Variants in TBC1D22A observed in about 807,000 individuals in gnomAD.
TBC1D22A encodes putative GTPase activator.
A neutral mutation model predicts 60.2 loss-of-function variants in TBC1D22A; 38 were observed. The ratio of observed to expected loss-of-function variants is 0.63; its 90% CI spans 0.49 to 0.83. The LOEUF is 0.83. Ranked by LOEUF, TBC1D22A falls within the 40% of genes least tolerant of loss-of-function variation. The pLI, the probability that TBC1D22A is intolerant of heterozygous loss-of-function variation, is 0.00. For synonymous variants in TBC1D22A, 302 were observed against 281.7 expected, an observed-to-expected ratio of 1.07 and a Z score of -0.72; for missense variants, 628 against 701.0, an observed-to-expected ratio of 0.90 and a Z score of 1.18.
intron 7 of TBC1D22A, among the ~76,000 whole-genome samples, chr22:46,902,127 C>T (rs898238346): frequency 6.6e-6 from 1 of 152,182 alleles, no homozygotes; most frequent in Admixed American, 6.5e-5. Context: ...GACCTCAAGC[C>T]CCTCCTGGGA....
chr22:47,172,002 G>GCCCAGTGTGCCTACCCAGCACT (rs796831913), intron 12 of TBC1D22A, among the ~76,000 whole-genome samples: 3,695 of 103,774 alleles, frequency 0.036, 233 homozygotes, highest in East Asian at 0.12. Flanking sequence ...CGCCCGGTGA[G>GCCCAGTGTGCCTACCCAGCACT]CCCAGTGTGC....
At chr22:46,839,928 G>T (rs558245925) in intron 4 of TBC1D22A, among the ~76,000 whole-genome samples, 1 of 152,266 alleles carries the variant, frequency 6.6e-6, no homozygotes, top group Admixed American at 6.5e-5. Context: ...TTAACTCACG[G>T]CATATACAAA....
intron 12 of TBC1D22A, among the ~76,000 whole-genome samples, chr22:47,159,278 ATACACACAC>A (rs2147197861): frequency 6.6e-6 from 1 of 150,878 alleles, no homozygotes; most frequent in Non-Finnish European, 1.5e-5. Context: ...CACACCATGT[ATACACACAC>A]TACACACCCC....
chr22:47,045,594 C>T (rs1054340495), intron 11 of TBC1D22A, among the ~76,000 whole-genome samples: 4 of 152,172 alleles, frequency 2.6e-5, no homozygotes, highest in East Asian at 1.9e-4. Flanking sequence ...TGCAGCAGAA[C>T]GGGCAGTGTT....
At chr22:46,860,403 TCC>T (rs1397111102) in intron 4 of TBC1D22A, among the ~76,000 whole-genome samples, 1 of 19,120 alleles carries the variant, frequency 5.2e-5, no homozygotes, top group Non-Finnish European at 9.3e-5. Context: ...AGAATCCTTT[TCC>T]ATAGAGGTCC....
At chr22:47,114,028 A>G (rs886557269) in intron 12 of TBC1D22A, among the ~76,000 whole-genome samples, 9 of 152,270 alleles carry the variant, frequency 5.9e-5, no homozygotes, top group Middle Eastern at 6.8e-3. Flanking sequence ...GATGCAAGTG[A>G]CAAGGTGCCC....
rs1042847916 is a variant in TBC1D22A, at chr22:46,979,209, TA to T, written c.1125+4811del. Reference sequence around the variant, plus strand: ...AGTTTCATCGTATGATCAAATTTGTTAGTATATTACCACCGTCTCATAAGAA... The same window carrying T: ...AGTTTCATCGTATGATCAAATTTGTTGTATATTACCACCGTCTCATAAGAA... On this transcript the variant is annotated intron_variant, in intron 9 of 12. Coordinates refer to ENST00000337137, the MANE Select transcript of TBC1D22A (RefSeq NM_014346.5). 4.8e-4 allele frequency among the ~76,000 whole-genome samples: 73 copies of T among 152,324 alleles called. 1 individual carries two copies. Among genetic ancestry groups the T allele is most frequent in the African/African-American group, 1.3e-3 (55 of 41,568 alleles).
intron 8 of TBC1D22A, among the ~76,000 whole-genome samples, chr22:46,963,839 T>C (rs1258891478): frequency 6.6e-6 from 1 of 152,022 alleles, no homozygotes; most frequent in African/African-American, 2.4e-5. Flanking sequence ...GCCTCAGCAG[T>C]GGGGAGGCAG....
chr22:47,170,862 AG>A, intron 12 of TBC1D22A, among the ~76,000 whole-genome samples: 1 of 147,700 alleles, frequency 6.8e-6, no homozygotes, highest in Non-Finnish European at 1.5e-5. Context: ...GACCGGAGAG[AG>A]GACAGTCCTG....
At chr22:47,116,659 G>A (rs573875783) in intron 12 of TBC1D22A, 1 of 152,358 alleles carries the variant, frequency 6.6e-6, no homozygotes, top group Non-Finnish European at 1.5e-5. Flanking sequence ...CCAGCTGCTG[G>A]ATGGGCTGCA....
In TBC1D22A at chr22:47,173,916, A is replaced by G. The variant is rs186958514; in HGVS notation, c.*290A>G. The G allele has an allele frequency of 1.5e-4, 53 of 349,654 alleles. No homozygotes were observed. The highest frequency in any genetic ancestry group is 1.1e-3 in the African/African-American group (51 of 47,570). 21.7% of individuals were successfully genotyped at this position (349,654 alleles called of 1,614,324 possible). ...CCCTCTCCCTGCAATGTCCTTGCCA[A>G]ATGACTGCCTCGTGCTGCCCCTAGT... On this transcript the variant is annotated 3_prime_UTR_variant, in exon 13 of 13. Coordinates refer to ENST00000337137, the MANE Select transcript of TBC1D22A (RefSeq NM_014346.5).
intron 2 of TBC1D22A, chr22:46,792,811 G>A (rs2084476452): frequency 3.5e-6 from 5 of 1,443,314 alleles, no homozygotes; most frequent in Non-Finnish European, 4.5e-6. Context: ...GGAGGTGGGG[G>A]AGCCCTGGGG....
chr22:47,111,083 G>A (rs771056353), intron 11 of TBC1D22A, among the ~76,000 whole-genome samples: 1 of 152,180 alleles, frequency 6.6e-6, no homozygotes, highest in Non-Finnish European at 1.5e-5. Context: ...CCTGATCTCC[G>A]GCTTGACTGG....
chr22:47,142,973 A>G (rs928152416), intron 12 of TBC1D22A, among the ~76,000 whole-genome samples: 2 of 147,500 alleles, frequency 1.4e-5, no homozygotes, highest in African/African-American at 5.1e-5. Context: ...CTTTGCCCTC[A>G]GAGGAGGCAG....
intron 10 of TBC1D22A, among the ~76,000 whole-genome samples, chr22:47,003,773 TAC>T (rs1270182682): frequency 1.8e-5 from 2 of 108,922 alleles, no homozygotes; most frequent in Non-Finnish European, 3.7e-5. Context: ...CACATGCCTA[TAC>T]ACACACACCC....
chr22:47,079,432 A>C (rs963182842), intron 11 of TBC1D22A, among the ~76,000 whole-genome samples: 3 of 152,146 alleles, frequency 2.0e-5, no homozygotes, highest in African/African-American at 7.2e-5. Flanking sequence ...CATTTCTAGT[A>C]GGTTGGTGAA....
intron 4 of TBC1D22A, among the ~76,000 whole-genome samples, chr22:46,832,421 T>C (rs1420324782): frequency 6.6e-6 from 1 of 152,152 alleles, no homozygotes; most frequent in African/African-American, 2.4e-5. Context: ...GAGGCTGAAG[T>C]GAGTGGATCA....
intron 11 of TBC1D22A, among the ~76,000 whole-genome samples, chr22:47,099,110 CAGAA>C (rs1237192471): frequency 6.6e-6 from 1 of 152,216 alleles, no homozygotes; most frequent in African/African-American, 2.4e-5. Context: ...GTTCCACCCT[CAGAA>C]AGCCAGGAGT....
At chr22:46,951,593 T>G (rs2072906623) in intron 8 of TBC1D22A, among the ~76,000 whole-genome samples, 1 of 152,220 alleles carries the variant, frequency 6.6e-6, no homozygotes, top group African/African-American at 2.4e-5. Context: ...CTTGGAGCCC[T>G]CGGAGCTTGA....
Sources: gnomAD v4.1 joint callset for allele counts (sites outside exome capture counted in the v4.1 genomes callset) on GRCh38, gnomAD v4.1.1 for gene constraint, MANE v1.5 for transcripts, NCBI Gene and HGNC (gene_info 2026-07-23, HGNC 2026-07-21) for gene names.